Variants in PTGIR observed in about 807,000 individuals in gnomAD.
PTGIR encodes prostacyclin receptor.
PTGIR carries 16 observed loss-of-function variants against 17.6 expected under a neutral mutation model. That is an observed-to-expected ratio of 0.91 (90% CI 0.61 to 1.38). PTGIR has a LOEUF of 1.38. Among genes scored for constraint, PTGIR ranks in the 40% most tolerant of loss-of-function variants. The pLI is 0.00. For missense variants in PTGIR, 532 were observed against 548.6 expected (o/e 0.97, Z 0.30); for synonymous variants, 274 against 255.4 (o/e 1.07, Z -0.69).
chr19:46,616,326 CTTTTTTTTTTTTTTTTT>C (rs1021116711), downstream of PTGIR, among the ~76,000 whole-genome samples: 4 of 66,574 alleles, frequency 6.0e-5, no homozygotes, highest in African/African-American at 2.2e-4. Context: ...GACAGAAATG[CTTTTTTTTTTTTTTTTT>C]TTTTTTTTTA....
downstream of PTGIR, among the ~76,000 whole-genome samples, chr19:46,618,053 C>T (rs1207950004): frequency 7.8e-5 from 11 of 140,480 alleles, no homozygotes; most frequent in South Asian, 4.7e-4. Context: ...CTGGCTCTGT[C>T]GCCCAGGCTG....
chr19:46,613,796 T>G, the PTGIR span, among the ~76,000 whole-genome samples: 5 of 152,086 alleles, frequency 3.3e-5, no homozygotes, highest in Non-Finnish European at 5.9e-5. Context: ...AGGTGAAGCC[T>G]CTTGCACCAC....
chr19:46,614,960 T>G, the PTGIR span, among the ~76,000 whole-genome samples: 1 of 152,168 alleles, frequency 6.6e-6, no homozygotes, highest in South Asian at 2.1e-4. Context: ...GGGCAGAGGT[T>G]GGAGCGAGCT....
intron 2 of PTGIR, 159 bp downstream of exon 2, chr19:46,623,299 G>A: frequency 1.1e-6 from 1 of 900,004 alleles, no homozygotes. Flanking sequence ...ATCCGGTCCT[G>A]CCTCGGCCTT....
chr19:46,617,625 C>T (rs1048033479), downstream of PTGIR, among the ~76,000 whole-genome samples: 4 of 152,158 alleles, frequency 2.6e-5, no homozygotes, highest in Non-Finnish European at 5.9e-5. Context: ...ACACAGTGAG[C>T]CCTCAGAGGC....
At position 46,623,943 on chromosome 19, in the gene PTGIR, A is replaced by AGGCATC; in HGVS notation, c.277_282dup (p.Asp93_Ala94dup). On this transcript the variant is annotated inframe_insertion, in exon 2 of 3. Coordinates refer to ENST00000291294, the MANE Select transcript of PTGIR (RefSeq NM_000960.4). ...CCGAAGAAGGTCATGGCGAAGGCGA[A>AGGCATC]GGCATCGCACAGGGCGGGGCCGCCT... The AGGCATC allele has an allele frequency of 6.3e-7, 1 of 1,596,304 alleles. No individual in the cohort carries two copies.
At chr19:46,614,653 G>C in the PTGIR span, among the ~76,000 whole-genome samples, 57 of 152,116 alleles carry the variant, frequency 3.7e-4, 1 homozygote, top group Admixed American at 5.2e-4. Flanking sequence ...GAGGTAGGTG[G>C]ATCACCTGAG....
chr19:46,620,610 C>T lies in PTGIR; in HGVS notation c.*670G>A. 7 of 976,338 alleles carry T rather than the reference C, an allele frequency of 7.2e-6. No homozygotes were observed. The highest frequency in any genetic ancestry group is 8.5e-6 in the Non-Finnish European group (7 of 825,980). The allele number at this position is 976,338 out of a possible 1,614,324, so 60.5% of individuals were successfully genotyped here. On this transcript the variant is annotated 3_prime_UTR_variant, in exon 3 of 3. Transcript: ENST00000291294. ...TCTCCATCTGTCTCCCCACCACCTG[C>T]ACCCCCCCAGTTCTCATCTTGCAGC...
At chr19:46,612,813 C>G in the PTGIR span, among the ~76,000 whole-genome samples, 1 of 152,050 alleles carries the variant, frequency 6.6e-6, no homozygotes, top group Non-Finnish European at 1.5e-5. Context: ...TGTGGTTTCC[C>G]ACAGGATTGG....
In PTGIR at chr19:46,621,087, T is replaced by A. The variant is rs1568677147; in HGVS notation, c.*193A>T. On this transcript the variant is annotated 3_prime_UTR_variant, in exon 3 of 3. Transcript: ENST00000291294. This position sits in a 1 kb window ranked among gnomAD's most constrained non-coding sequence, Gnocchi z 4.8. ...GAACCATTCTTTCTGCACTCCAGGA[T>A]AAACGTTTCCTCTGTCCCTCACTCT... The A allele has an allele frequency of 7.8e-7, 1 of 1,274,052 alleles. No individual in the cohort carries two copies. Among genetic ancestry groups the A allele is most frequent in the Non-Finnish European group, 9.9e-7 (1 of 1,011,738 alleles). 78.9% of individuals were successfully genotyped at this position (1,274,052 alleles called of 1,614,324 possible).
Position 46,621,915 on chromosome 19 carries a change from G to A in PTGIR, c.769-243C>T. On this transcript the variant is annotated intron_variant, in intron 2 of 2. Transcript: ENST00000291294. This position sits in a 1 kb window ranked among gnomAD's most constrained non-coding sequence, Gnocchi z 4.8. ...CAGGTATGTGGGTCCCCCCACCCTT[G>A]GAAGCTGGGAGGACCCTCGGGCTCC... 2 of 1,305,808 alleles carry A rather than the reference G, an allele frequency of 1.5e-6. No homozygotes were observed. Among genetic ancestry groups the A allele is most frequent in the Non-Finnish European group, 1.9e-6 (2 of 1,028,818 alleles). The allele number at this position is 1,305,808 out of a possible 1,614,324, so 80.9% of individuals were successfully genotyped here.
downstream of PTGIR, among the ~76,000 whole-genome samples, chr19:46,615,715 C>T (rs1971952783): frequency 6.6e-6 from 1 of 151,656 alleles, no homozygotes; most frequent in Non-Finnish European, 1.5e-5. Context: ...ACTGTGTTAG[C>T]CAGGATGGTC....
chr19:46,617,552 G>A (rs940421683), downstream of PTGIR, among the ~76,000 whole-genome samples: 1 of 152,092 alleles, frequency 6.6e-6, no homozygotes, highest in African/African-American at 2.4e-5. Flanking sequence ...CTGAAAAATG[G>A]GAATGAGAGC....
chr19:46,623,675 A>G lies in PTGIR; in HGVS notation c.551T>C (p.Phe184Ser). The change falls in exon 2 of 3, where the codon TTC (phenylalanine) becomes TCC (serine). Residue 184 changes from phenylalanine (F) to serine (S), a missense_variant. Coordinates refer to ENST00000291294, the MANE Select transcript of PTGIR (RefSeq NM_000960.4). ...MRWAQPGGAA[F>S]SLAYAGLVAL... ...CACCAGGCCGGCGTAGGCCAGCGAG[A>G]AGGCGGCGCCGCCCGGCTGGGCCCA... is the stretch of plus-strand genomic sequence containing the variant. The G allele has an allele frequency of 6.4e-7, 1 of 1,550,506 alleles. No individual in the cohort carries two copies.
In PTGIR at chr19:46,621,858, C is replaced by T; in HGVS notation, c.769-186G>A. Reference sequence around the variant, plus strand: ...AGGGAGAGAAAGCCCCAGGAAATTGCCAGAGATGCCTAAGGGGAGAGGGAT... The same window carrying T: ...AGGGAGAGAAAGCCCCAGGAAATTGTCAGAGATGCCTAAGGGGAGAGGGAT... On this transcript the variant is annotated intron_variant, in intron 2 of 2. Coordinates refer to ENST00000291294, the MANE Select transcript of PTGIR (RefSeq NM_000960.4). The surrounding 1 kb of genome is among the most constrained non-coding windows in gnomAD (Gnocchi z 4.8). 2 of 1,376,128 alleles carry T rather than the reference C, an allele frequency of 1.5e-6. No homozygotes were observed. Among genetic ancestry groups the T allele is most frequent in the Non-Finnish European group, 1.9e-6 (2 of 1,068,028 alleles). The allele number at this position is 1,376,128 out of a possible 1,614,324, so 85.2% of individuals were successfully genotyped here. A position where few individuals can be genotyped will look rare whatever the true frequency, so the allele number is the denominator to read the frequency against.
At chr19:46,613,521 G>A in the PTGIR span, among the ~76,000 whole-genome samples, 10 of 151,950 alleles carry the variant, frequency 6.6e-5, no homozygotes, top group Admixed American at 6.6e-4. Context: ...TAGTAGAGAC[G>A]GGGTTTCACC....
chr19:46,617,512 G>T (rs543269258), downstream of PTGIR, among the ~76,000 whole-genome samples: 1 of 152,180 alleles, frequency 6.6e-6, no homozygotes, highest in African/African-American at 2.4e-5. Flanking sequence ...CAGCTTCTAC[G>T]TTGCATCCTC....
In PTGIR at chr19:46,620,939, C is replaced by T. The variant is rs578102191; in HGVS notation, c.*341G>A. The T allele has an allele frequency of 9.8e-7, 1 of 1,019,370 alleles. No homozygotes were observed. The highest frequency in any genetic ancestry group is 1.7e-5 in the African/African-American group (1 of 58,708). The allele number at this position is 1,019,370 out of a possible 1,614,324, so 63.1% of individuals were successfully genotyped here. A position where few individuals can be genotyped will look rare whatever the true frequency, so the allele number is the denominator to read the frequency against. On this transcript the variant is annotated 3_prime_UTR_variant, in exon 3 of 3. Coordinates refer to ENST00000291294, the MANE Select transcript of PTGIR (RefSeq NM_000960.4). ...CGCAGATTGGAGCCAGCACCCAGACCAGAGCAGACCTGACTGTACAGAAGC... is the reference window on the plus strand; with the variant it reads ...CGCAGATTGGAGCCAGCACCCAGACTAGAGCAGACCTGACTGTACAGAAGC...
At chr19:46,619,547 AAGAGAGAGAGAGAGAGAGAGAG>A (rs200797814), downstream of PTGIR, among the ~76,000 whole-genome samples, 1 of 87,816 alleles carries the variant, frequency 1.1e-5, no homozygotes, top group African/African-American at 4.6e-5. Context: ...GAAAGAAAGA[AAGAGAGAGAGAGAGAGAGAGAG>A]AGAGAGAGAG....
Sources: allele counts gnomAD v4.1 joint callset (sites outside exome capture counted in the v4.1 genomes callset), GRCh38; gene constraint gnomAD v4.1.1; non-coding constraint Gnocchi (gnomAD v3.1); transcripts MANE v1.5; gene names NCBI Gene and HGNC (gene_info 2026-07-23, HGNC 2026-07-21).